FRA10AC1: variants seen among roughly 807,000 people sequenced by gnomAD.
FRA10AC1 encodes the protein protein FRA10AC1.
In FRA10AC1, 43 loss-of-function variants were observed where a neutral mutation model predicts 56.5. The ratio of observed to expected loss-of-function variants is 0.76; its 90% confidence interval spans 0.60 to 0.98. FRA10AC1 has a LOEUF of 0.98. Ranked by LOEUF, FRA10AC1 falls within the 50% of genes least tolerant of loss-of-function variation. FRA10AC1 has a pLI of 0.00. For missense variants in FRA10AC1, 346 were observed against 351.8 expected (o/e 0.98, Z 0.13); for synonymous variants, 112 against 110.5 (o/e 1.01, Z -0.09).
Position 93,669,474 on chromosome 10 carries a change from TAATAA to T in FRA10AC1, c.*347_*351del, listed in dbSNP as rs781338965. ...CTCTAAAAAAGAGAAAAAGAAGAAA[TAATAA>T]AATAAAATAATGAAGGCAAGAGAAG... On this transcript the variant is annotated 3_prime_UTR_variant, in exon 14 of 14. Coordinates refer to ENST00000359204, the MANE Select transcript of FRA10AC1 (RefSeq NM_145246.5). 1.8e-5 allele frequency: 3 copies of T among 171,310 alleles called. No individual in the cohort carries two copies. Among genetic ancestry groups the T allele is most frequent in the Non-Finnish European group, 2.4e-5 (2 of 82,200 alleles). The allele number at this position is 171,310 out of a possible 1,614,324, so 10.6% of individuals were successfully genotyped here.
chr10:93,676,894 T>C (rs1268393748), intron 11 of FRA10AC1, among the ~76,000 whole-genome samples: 1 of 152,202 alleles, frequency 6.6e-6, no homozygotes, highest in African/African-American at 2.4e-5. Flanking sequence ...TCATATCTTA[T>C]GTGCTCATAT....
At position 93,692,672 on chromosome 10, in the gene FRA10AC1, A is replaced by G; in HGVS notation, c.354T>C (p.Asn118=). ...VIRENHRFLW[N]EEDEMDMTWE... ...AAGTCATGTCCATTTCGTCCTCCTC[A>G]TTCCATAGGAATCTATGATTTTCTC... Residue 118 remains asparagine, a synonymous_variant, in exon 6 of 14, where the codon AAT becomes AAC. Transcript: ENST00000359204. 6.3e-7 allele frequency: 1 copy of G among 1,599,790 alleles called. No individual in the cohort carries two copies. Among genetic ancestry groups the G allele is most frequent in the Non-Finnish European group, 8.5e-7 (1 of 1,173,330 alleles).
intron 5 of FRA10AC1, among the ~76,000 whole-genome samples, chr10:93,693,564 CAT>C (rs1159010552): frequency 2.4e-4 from 24 of 99,212 alleles, no homozygotes; most frequent in Admixed American, 4.4e-4. Flanking sequence ...ATACATACAC[CAT>C]ATATATATAC....
chr10:93,694,926 A>G lies in FRA10AC1; in HGVS notation c.231T>C (p.His77=). Reference sequence around the variant, plus strand: ...AAATATAGTCATTTACGAACTTTGTATGTCTTTGATACTGAAATGCAAAAA... The same window carrying G: ...AAATATAGTCATTTACGAACTTTGTGTGTCTTTGATACTGAAATGCAAAAA... ...HLIAMDAYQR[H]TKFVNDYILY... The change falls in exon 5 of 14, where the codon CAT becomes CAC. Residue 77 remains histidine, a synonymous_variant. Transcript: ENST00000359204. 1.3e-6 allele frequency: 2 copies of G among 1,492,074 alleles called. No homozygotes were observed. The highest frequency in any genetic ancestry group is 3.4e-4 in the Middle Eastern group (2 of 5,862). 92.4% of individuals were successfully genotyped at this position (1,492,074 alleles called of 1,614,324 possible).
In FRA10AC1 at chr10:93,685,348, A is replaced by G. The variant is rs1305612681; in HGVS notation, c.523T>C (p.Cys175Arg). Residue 175 changes from cysteine to arginine, a missense_variant, in exon 9 of 14, where the codon TGT (cysteine) becomes CGT (arginine). Cys to Arg is a radical substitution (Grantham distance 180). Coordinates refer to ENST00000359204, the MANE Select transcript of FRA10AC1 (RefSeq NM_145246.5). ...TTTTTATCACAATATTTATTTCCAC[A>G]GAAAAATTGACCTGCAGAAAGGAAA... ...EVISGKGQFF[C>R]GNKYCDKKEG... 1 of 1,471,806 alleles carries G rather than the reference A, an allele frequency of 6.8e-7. No homozygotes were observed. Among genetic ancestry groups the G allele is most frequent in the African/African-American group, 1.4e-5 (1 of 71,374 alleles). 91.2% of individuals were successfully genotyped at this position (1,471,806 alleles called of 1,614,324 possible).
At chr10:93,672,505 C>A (rs1402234378) in intron 12 of FRA10AC1, 1 of 154,172 alleles carries the variant, frequency 6.5e-6, no homozygotes, top group African/African-American at 2.4e-5. Context: ...TTAATTAGGC[C>A]TAGCAAGGTT....
chr10:93,699,233 T>C (rs544165382), intron 2 of FRA10AC1, among the ~76,000 whole-genome samples: 13 of 152,232 alleles, frequency 8.5e-5, no homozygotes, highest in Non-Finnish European at 1.6e-4. Context: ...AAATGTAATT[T>C]ATTATAATTA....
chr10:93,692,571 A>T, intron 6 of FRA10AC1, 75 bp downstream of exon 6: 1 of 894,792 alleles, frequency 1.1e-6, no homozygotes, highest in Non-Finnish European at 1.8e-6. Flanking sequence ...GAACACCTTG[A>T]CTAAAAAACC....
intron 5 of FRA10AC1, among the ~76,000 whole-genome samples, chr10:93,693,670 C>T (rs11597967): frequency 1.4e-5 from 1 of 70,330 alleles, no homozygotes; most frequent in Non-Finnish European, 4.3e-5. Flanking sequence ...TATATATATA[C>T]ACCATATATA....
intron 12 of FRA10AC1, chr10:93,671,905 C>A: frequency 8.3e-6 from 3 of 359,746 alleles, no homozygotes; most frequent in East Asian, 9.7e-5. Flanking sequence ...CATGAATTAC[C>A]TTCAAAATCA....
At chr10:93,669,920 CAT>C (rs749402038) in intron 13 of FRA10AC1, 52 bp from the exon 14 acceptor site, 38 of 930,184 alleles carry the variant, frequency 4.1e-5, no homozygotes, top group Non-Finnish European at 5.8e-5. Flanking sequence ...AAAATTACTA[CAT>C]GATACATTAT....
Position 93,702,515 on chromosome 10 carries a change from A to AACC in FRA10AC1, c.-144_-142dup, listed in dbSNP as rs561510812. 0.016 allele frequency: 2,864 copies of AACC among 182,110 alleles called. 93 individuals carry two copies. The highest frequency in any genetic ancestry group is 0.063 in the African/African-American group (2,426 of 38,504). 11.3% of individuals were successfully genotyped at this position (182,110 alleles called of 1,614,324 possible). On this transcript the variant is annotated 5_prime_UTR_variant, in exon 1 of 14. Transcript: ENST00000359204. ...GCGCCCTGCCGCACAGCCTCGCCAC[A>AACC]ACCACCACCGCCGCCGCCGCCGCCG... is the stretch of plus-strand genomic sequence containing the variant.
chr10:93,692,238 T>C (rs1047472881), intron 6 of FRA10AC1, 145 bp from the exon 7 acceptor site: 7 of 597,556 alleles, frequency 1.2e-5, no homozygotes, highest in African/African-American at 2.0e-5. Flanking sequence ...TATCTGGATA[T>C]TAACTATTAA....
intron 11 of FRA10AC1, among the ~76,000 whole-genome samples, chr10:93,679,990 G>C (rs1369429983): frequency 6.6e-6 from 1 of 152,150 alleles, no homozygotes; most frequent in East Asian, 1.9e-4. Context: ...GTCATCTACT[G>C]ACAGAACACT....
Position 93,682,423 on chromosome 10 carries a change from A to T in FRA10AC1, c.669-825T>A, listed in dbSNP as rs147966323. On this transcript the variant is annotated intron_variant, in intron 10 of 13. Coordinates refer to ENST00000359204, the MANE Select transcript of FRA10AC1 (RefSeq NM_145246.5). Reference sequence around the variant, plus strand: ...ATTTCCATTTTGAAATGAAGCTCAAAAGTCAAGGTCAAAACAAATCCCTGC... The same window carrying T: ...ATTTCCATTTTGAAATGAAGCTCAATAGTCAAGGTCAAAACAAATCCCTGC... Among the ~76,000 whole-genome samples the T allele has an allele frequency of 8.1e-4, 123 of 152,316 alleles. 1 individual carries two copies. The highest frequency in any genetic ancestry group is 2.9e-3 in the African/African-American group (121 of 41,566).
At chr10:93,693,482 GTATATATATA>G (rs777454590) in intron 5 of FRA10AC1, among the ~76,000 whole-genome samples, 1 of 36,280 alleles carries the variant, frequency 2.8e-5, no homozygotes, top group African/African-American at 6.2e-5. Context: ...TGGTGTGTGT[GTATATATATA>G]TATATATATA....
rs1456047712 is a variant in FRA10AC1, at chr10:93,676,511, T to C, written c.826+142A>G. On this transcript the variant is annotated intron_variant, in intron 12 of 13. Coordinates refer to ENST00000359204, the MANE Select transcript of FRA10AC1 (RefSeq NM_145246.5). ...ATAAATCCTATACACTTTTGGCCTT[T>C]TTTCTACAGTTTTTCTCATGTACAA... 3.1e-6 allele frequency: 4 copies of C among 1,302,824 alleles called. No individual in the cohort carries two copies. The Admixed American group carries it at 1.2e-4, about 38-fold the overall frequency. 80.7% of individuals were successfully genotyped at this position (1,302,824 alleles called of 1,614,324 possible).
In FRA10AC1 at chr10:93,681,527, T is replaced by A. The variant is rs1244894190; in HGVS notation, c.740A>T (p.Lys247Ile). 6.3e-7 allele frequency: 1 copy of A among 1,581,296 alleles called. No individual in the cohort carries two copies. The highest frequency in any genetic ancestry group is 8.6e-7 in the Non-Finnish European group (1 of 1,169,112). The change falls in exon 11 of 14, where the codon AAA (lysine) becomes ATA (isoleucine). Residue 247 changes from lysine to isoleucine, a missense_variant. Physicochemically the swap from Lys to Ile is moderately radical, Grantham distance 102. Transcript: ENST00000359204. ...CTCTTCTGCAGAAGATAATCTGGAT[T>A]TTTTATGTGATGACTCTTCACAGTC... is the stretch of plus-strand genomic sequence containing the variant. The part of the protein sequence containing the change: ...KKDCEESSHK[K>I]SRLSSAEEAS...
chr10:93,693,505 TATACACC>T (rs869170613), intron 5 of FRA10AC1, among the ~76,000 whole-genome samples: 2 of 43,504 alleles, frequency 4.6e-5, no homozygotes, highest in African/African-American at 6.0e-5. Flanking sequence ...TATATATATA[TATACACC>T]ATATATATAT....
Sources: allele counts gnomAD v4.1 joint callset (sites outside exome capture counted in the v4.1 genomes callset), GRCh38; gene constraint gnomAD v4.1.1; transcripts MANE v1.5; gene names NCBI Gene and HGNC (gene_info 2026-07-23, HGNC 2026-07-21).